LUZP2: variants seen among roughly 807,000 people sequenced by gnomAD.
LUZP2 encodes the protein leucine zipper protein 2.
In LUZP2, 52 loss-of-function variants were observed where a neutral mutation model predicts 51.6. That is an observed-to-expected ratio of 1.01 (90% CI 0.81 to 1.27). LUZP2 has a LOEUF of 1.27. Ranked by LOEUF, LUZP2 falls within the 50% of genes most tolerant of loss-of-function variation. The probability of loss-of-function intolerance (pLI) is 0.00; values close to 1 mark genes in which losing one functional copy is unlikely to be tolerated. For missense variants in LUZP2, 436 were observed against 395.4 expected, an observed-to-expected ratio of 1.10 and a Z score of -0.87; for synonymous variants, 154 against 137.3, an observed-to-expected ratio of 1.12 and a Z score of -0.85.
intron 1 of LUZP2, among the ~76,000 whole-genome samples, chr11:24,624,326 T>C (rs1406040648): frequency 1.3e-5 from 2 of 151,082 alleles, no homozygotes; most frequent in African/African-American, 2.4e-5. Context: ...ATAATAATGA[T>C]TTTTTTTTGT....
At chr11:24,952,793 A>C (rs1008025717) in intron 7 of LUZP2, among the ~76,000 whole-genome samples, 2 of 151,954 alleles carry the variant, frequency 1.3e-5, no homozygotes, top group African/African-American at 4.8e-5. Context: ...GTGTAACACT[A>C]ATTGTTATTT....
intron 9 of LUZP2, among the ~76,000 whole-genome samples, chr11:24,985,893 A>G (rs1381753465): frequency 6.6e-6 from 1 of 151,758 alleles, no homozygotes; most frequent in Non-Finnish European, 1.5e-5. Context: ...AATAAATAAA[A>G]TTACCTGAAG....
intron 10 of LUZP2, among the ~76,000 whole-genome samples, chr11:25,074,159 T>C (rs546032056): frequency 6.6e-6 from 1 of 152,330 alleles, no homozygotes; most frequent in East Asian, 1.9e-4. Context: ...GTCTGTGTCC[T>C]GTTTGCAACA....
intron 8 of LUZP2, among the ~76,000 whole-genome samples, chr11:24,977,849 A>G (rs1348738168): frequency 6.6e-6 from 1 of 150,502 alleles, no homozygotes; most frequent in Non-Finnish European, 1.5e-5. Flanking sequence ...TATTTACTTG[A>G]TATTTATTAT....
intron 1 of LUZP2, among the ~76,000 whole-genome samples, chr11:24,705,003 A>G (rs1857532701): frequency 6.6e-6 from 1 of 152,204 alleles, no homozygotes; most frequent in African/African-American, 2.4e-5. Flanking sequence ...ACACACACAC[A>G]TACACACATT....
At chr11:24,808,968 T>C (rs190382183) in intron 5 of LUZP2, among the ~76,000 whole-genome samples, 2 of 152,252 alleles carry the variant, frequency 1.3e-5, no homozygotes, top group Non-Finnish European at 2.9e-5. Flanking sequence ...TTAAATAACT[T>C]ATAGTTATTT....
At chr11:24,666,895 A>C (rs900189959) in intron 1 of LUZP2, among the ~76,000 whole-genome samples, 11 of 152,228 alleles carry the variant, frequency 7.2e-5, no homozygotes, top group African/African-American at 2.4e-4. Context: ...CATGGTGGAC[A>C]GAATATATCA....
chr11:24,847,961 A>G (rs1316110187), intron 5 of LUZP2, among the ~76,000 whole-genome samples: 1 of 152,094 alleles, frequency 6.6e-6, no homozygotes, highest in African/African-American at 2.4e-5. Context: ...TTGCTATTGT[A>G]TTTAGAATAC....
At chr11:24,540,639 G>C (rs1170125162) in intron 1 of LUZP2, among the ~76,000 whole-genome samples, 1 of 152,074 alleles carries the variant, frequency 6.6e-6, no homozygotes, top group Admixed American at 6.6e-5. Context: ...AGCTTGAGCA[G>C]ACTAATATAG....
At chr11:24,943,957 A>G (rs565601716) in intron 7 of LUZP2, among the ~76,000 whole-genome samples, 1 of 152,046 alleles carries the variant, frequency 6.6e-6, no homozygotes, top group Non-Finnish European at 1.5e-5. Flanking sequence ...AAATATAAGT[A>G]AGGTATGGTA....
intron 5 of LUZP2, among the ~76,000 whole-genome samples, chr11:24,862,815 T>C (rs1480983760): frequency 3.3e-5 from 5 of 152,194 alleles, no homozygotes; most frequent in Non-Finnish European, 5.9e-5. Context: ...TTGTATCTAA[T>C]AAAGAACTTG....
At chr11:24,962,546 G>C (rs1855445936) in intron 7 of LUZP2, among the ~76,000 whole-genome samples, 1 of 152,054 alleles carries the variant, frequency 6.6e-6, no homozygotes, top group African/African-American at 2.4e-5. Context: ...CTTTCTTCCA[G>C]TTGATGGCAT....
intron 7 of LUZP2, among the ~76,000 whole-genome samples, chr11:24,936,587 C>T (rs1854594647): frequency 6.6e-6 from 1 of 151,836 alleles, no homozygotes; most frequent in Non-Finnish European, 1.5e-5. Context: ...AAGCCCCTCT[C>T]ATTCCTGATC....
intron 7 of LUZP2, among the ~76,000 whole-genome samples, chr11:24,953,193 A>C (rs1257586989): frequency 1.3e-5 from 2 of 151,948 alleles, no homozygotes; most frequent in African/African-American, 4.8e-5. Context: ...TTAGTAGAAA[A>C]CAATTTTTGA....
intron 9 of LUZP2, among the ~76,000 whole-genome samples, chr11:24,998,174 G>T (rs1368573980): frequency 6.6e-6 from 1 of 152,152 alleles, no homozygotes; most frequent in African/African-American, 2.4e-5. Context: ...TTGGTAACTT[G>T]ATGGGGATGG....
Position 24,900,725 on chromosome 11 carries a change from C to G in LUZP2, c.397-5266C>G, listed in dbSNP as rs181160107. On this transcript the variant is annotated intron_variant, in intron 5 of 11. Transcript: ENST00000336930. Reference sequence around the variant, plus strand: ...AACACAGCAAACACCGAGCTGTAACCAGAGGAGCTGTTTTTGTACCTCACT... The same window carrying G: ...AACACAGCAAACACCGAGCTGTAACGAGAGGAGCTGTTTTTGTACCTCACT... Among the ~76,000 whole-genome samples, 100 of 152,254 alleles carry G rather than the reference C, an allele frequency of 6.6e-4. 3 individuals carry two copies. The South Asian group carries it at 0.019, about 30-fold the overall frequency.
intron 7 of LUZP2, among the ~76,000 whole-genome samples, chr11:24,920,813 C>T (rs149099702): frequency 5.9e-5 from 9 of 151,868 alleles, no homozygotes; most frequent in East Asian, 5.8e-4. Flanking sequence ...AAGGAAGGTA[C>T]TGGAAGATGA....
intron 1 of LUZP2, among the ~76,000 whole-genome samples, chr11:24,606,326 A>C (rs1236088203): frequency 6.6e-6 from 1 of 152,034 alleles, no homozygotes; most frequent in Non-Finnish European, 1.5e-5. Context: ...GGATTAAATG[A>C]TCTTGCCCAG....
chr11:24,590,968 G>A (rs940450635), intron 1 of LUZP2, among the ~76,000 whole-genome samples: 2 of 152,182 alleles, frequency 1.3e-5, no homozygotes, highest in African/African-American at 2.4e-5. Flanking sequence ...GATCCTGGCC[G>A]AGCAAGGTGG....
Sources: gnomAD v4.1 joint callset for allele counts (sites outside exome capture counted in the v4.1 genomes callset) on GRCh38, gnomAD v4.1.1 for gene constraint, MANE v1.5 for transcripts, NCBI Gene and HGNC (gene_info 2026-07-23, HGNC 2026-07-21) for gene names.